RCAN2: variants seen among roughly 807,000 people sequenced by gnomAD.
RCAN2 encodes the protein regulator of calcineurin 2, also known as calcipressin-2.
RCAN2 carries 9 observed loss-of-function variants against 23.6 expected under a neutral mutation model. The observed-to-expected ratio is 0.38, with a 90% CI of 0.23 to 0.67. The LOEUF is 0.67. Ranked by LOEUF, RCAN2 falls within the 30% of genes least tolerant of loss-of-function variation. RCAN2 has a pLI of 0.51. For synonymous variants in RCAN2, 109 were observed against 115.7 expected (o/e 0.94, Z 0.37); for missense variants, 273 against 302.3 (o/e 0.90, Z 0.72).
chr6:46,297,343 A>G (rs913220580), intron 2 of RCAN2, among the ~76,000 whole-genome samples: 3 of 152,156 alleles, frequency 2.0e-5, no homozygotes, highest in Admixed American at 6.6e-5. Flanking sequence ...ACTCTCAAAA[A>G]GCGAATAATC....
chr6:46,275,803 G>A (rs745626164), intron 2 of RCAN2, among the ~76,000 whole-genome samples: 3 of 152,090 alleles, frequency 2.0e-5, no homozygotes, highest in Non-Finnish European at 2.9e-5. Flanking sequence ...TATCAGATGC[G>A]ACCAGAAAGT....
chr6:46,444,365 G>A (rs1277225631), intron 2 of RCAN2, among the ~76,000 whole-genome samples: 3 of 152,322 alleles, frequency 2.0e-5, no homozygotes, highest in East Asian at 3.9e-4. Context: ...AAGACTCAGT[G>A]AGTGTCAGAG....
chr6:46,416,399 T>G (rs967866975), intron 2 of RCAN2, among the ~76,000 whole-genome samples: 1 of 148,794 alleles, frequency 6.7e-6, no homozygotes, highest in Non-Finnish European at 1.5e-5. Context: ...CTCAATAAGT[T>G]TAACATCCTT....
At chr6:46,341,406 T>A (rs75331811) in intron 2 of RCAN2, among the ~76,000 whole-genome samples, 63,788 of 151,640 alleles carry the variant, frequency 0.42, 14,798 homozygotes, top group East Asian at 0.6. Flanking sequence ...AACTAAAAAA[T>A]AAAAATCATA....
chr6:46,471,485 T>C (rs1021635820), intron 1 of RCAN2, among the ~76,000 whole-genome samples: 2 of 152,158 alleles, frequency 1.3e-5, no homozygotes, highest in African/African-American at 4.8e-5. Flanking sequence ...TGAAGAGTAA[T>C]ACCAAGATTT....
intron 2 of RCAN2, among the ~76,000 whole-genome samples, chr6:46,371,279 G>T (rs1765312613): frequency 6.6e-6 from 1 of 151,966 alleles, no homozygotes; most frequent in Non-Finnish European, 1.5e-5. Context: ...ACTAAAAAAT[G>T]GTATATTTTT....
chr6:46,368,342 C>T (rs1264776849), intron 2 of RCAN2, among the ~76,000 whole-genome samples: 1 of 152,202 alleles, frequency 6.6e-6, no homozygotes, highest in Admixed American at 6.5e-5. Context: ...GCCTGGGCAA[C>T]TTGACTCTGG....
intron 4 of RCAN2, among the ~76,000 whole-genome samples, chr6:46,236,639 G>T (rs370104871): frequency 3.9e-5 from 6 of 152,226 alleles, no homozygotes; most frequent in African/African-American, 1.4e-4. Context: ...AGAGCATCAC[G>T]CTTGGTCATT....
At chr6:46,257,948 C>G (rs1171128842) in intron 2 of RCAN2, among the ~76,000 whole-genome samples, 1 of 152,188 alleles carries the variant, frequency 6.6e-6, no homozygotes, top group Non-Finnish European at 1.5e-5. Context: ...AAGAACAGTG[C>G]TGACTTTGAA....
At chr6:46,490,630 T>A (rs989310700) in intron 1 of RCAN2, among the ~76,000 whole-genome samples, 1 of 152,140 alleles carries the variant, frequency 6.6e-6, no homozygotes, top group African/African-American at 2.4e-5. Flanking sequence ...TTGAAGTTAT[T>A]TTTAGATGAC....
chr6:46,284,326 G>A (rs145214289), intron 2 of RCAN2, among the ~76,000 whole-genome samples: 173 of 152,256 alleles, frequency 1.1e-3, no homozygotes, highest in African/African-American at 3.8e-3. Context: ...CTCCAGGGAT[G>A]TGGGGGTGTA....
chr6:46,310,792 T>A (rs1401188934), intron 2 of RCAN2, among the ~76,000 whole-genome samples: 1 of 152,220 alleles, frequency 6.6e-6, no homozygotes, highest in African/African-American at 2.4e-5. Flanking sequence ...TTTTCTTTTA[T>A]TCCTTCACAA....
chr6:46,235,781 A>G (rs964388632), intron 4 of RCAN2, among the ~76,000 whole-genome samples: 2 of 152,134 alleles, frequency 1.3e-5, no homozygotes, highest in African/African-American at 2.4e-5. Context: ...ACCCCTTGTT[A>G]TAACCCTATC....
chr6:46,366,237 C>G (rs1473748050), intron 2 of RCAN2, among the ~76,000 whole-genome samples: 1 of 152,274 alleles, frequency 6.6e-6, no homozygotes, highest in Middle Eastern at 3.4e-3. Flanking sequence ...ATTCCCAACT[C>G]GAAATAAATC....
chr6:46,452,093 T>C (rs781320313), intron 2 of RCAN2, among the ~76,000 whole-genome samples: 60 of 152,190 alleles, frequency 3.9e-4, no homozygotes, highest in Non-Finnish European at 8.1e-4. Flanking sequence ...CTATTTTGTT[T>C]ACCATTGAAT....
chr6:46,263,521 A>ATGTGTGTGTGTGTGTGTGTGTGTG (rs1166873309), intron 2 of RCAN2, among the ~76,000 whole-genome samples: 2 of 105,032 alleles, frequency 1.9e-5, no homozygotes, highest in African/African-American at 5.2e-5. Flanking sequence ...GTATGTGTGT[A>ATGTGTGTGTGTGTGTGTGTGTGTG]TGTGTGTGTG....
intron 2 of RCAN2, among the ~76,000 whole-genome samples, chr6:46,441,894 T>C (rs1157464971): frequency 3.3e-5 from 5 of 152,144 alleles, no homozygotes. Flanking sequence ...ATAACCCCAC[T>C]CTCACAGAGA....
rs560540798 is a variant in RCAN2 at position 46,420,688 on chromosome 6, T to C, written c.225+36064A>G. ...CCTCCCAAGTAGCTGGGATTACAGG[T>C]ACCCACCATCAGGCCCGGCTACTTT... On this transcript the variant is annotated intron_variant, in intron 2 of 4. Coordinates refer to ENST00000371374, the MANE Select transcript of RCAN2 (RefSeq NM_001251974.2). 1.3e-4 allele frequency among the ~76,000 whole-genome samples: 19 copies of C among 151,868 alleles called. No homozygotes were observed. In the South Asian group the frequency reaches 3.9e-3, roughly 32 times the overall value.
chr6:46,380,522 T>G (rs752354262), intron 2 of RCAN2, among the ~76,000 whole-genome samples: 11 of 152,170 alleles, frequency 7.2e-5, no homozygotes, highest in Admixed American at 6.5e-5. Flanking sequence ...GTAAAGCAAG[T>G]TCTAGGCCCC....
Sources: allele counts gnomAD v4.1 joint callset (sites outside exome capture counted in the v4.1 genomes callset), GRCh38; gene constraint gnomAD v4.1.1; transcripts MANE v1.5; gene names NCBI Gene and HGNC (gene_info 2026-07-23, HGNC 2026-07-21).